FHIT: variants seen among roughly 807,000 people sequenced by gnomAD.
FHIT encodes the protein bis(5'-adenosyl)-triphosphatase.
In FHIT, 19 loss-of-function variants were observed where a neutral mutation model predicts 17.9. The observed-to-expected ratio is 1.06, with a 90% CI of 0.74 to 1.56. The LOEUF is 1.56. FHIT is among the 40% of genes most tolerant of loss of function. The probability of loss-of-function intolerance (pLI) is 0.00; values close to 1 mark genes in which losing one functional copy is unlikely to be tolerated. For missense variants in FHIT, 248 were observed against 189.2 expected (o/e 1.31, Z -1.82); for synonymous variants, 81 against 69.7 (o/e 1.16, Z -0.81).
At chr3:60,195,607 G>T (rs368129436) in intron 5 of FHIT, among the ~76,000 whole-genome samples, 4 of 117,382 alleles carry the variant, frequency 3.4e-5, no homozygotes, top group South Asian at 5.9e-4. Flanking sequence ...TTATATATAT[G>T]TATATATAAT....
intron 5 of FHIT, among the ~76,000 whole-genome samples, chr3:60,369,014 C>T (rs1257204314): frequency 1.3e-5 from 2 of 152,006 alleles, no homozygotes; most frequent in African/African-American, 4.8e-5. Flanking sequence ...ACTCTGTCAC[C>T]CAGGCTGGAG....
intron 5 of FHIT, among the ~76,000 whole-genome samples, chr3:60,276,949 A>G (rs1013023954): frequency 1.3e-5 from 2 of 152,090 alleles, no homozygotes; most frequent in Admixed American, 6.5e-5. Flanking sequence ...CTCATGTCCC[A>G]AACACCTCCC....
At chr3:59,764,996 AC>A (rs2106802399) in intron 8 of FHIT, among the ~76,000 whole-genome samples, 1 of 152,188 alleles carries the variant, frequency 6.6e-6, no homozygotes, top group South Asian at 2.1e-4. Flanking sequence ...GGAAAGCAAT[AC>A]CCTCACCTTT....
At chr3:60,446,105 G>T (rs1055386541) in intron 5 of FHIT, among the ~76,000 whole-genome samples, 3 of 152,100 alleles carry the variant, frequency 2.0e-5, no homozygotes, top group Admixed American at 2.0e-4. Context: ...AAGCAAGGGA[G>T]GGTAGGAGGG....
At chr3:59,848,449 T>C (rs1701804985) in intron 8 of FHIT, among the ~76,000 whole-genome samples, 1 of 152,180 alleles carries the variant, frequency 6.6e-6, no homozygotes, top group South Asian at 2.1e-4. Context: ...TTTAAAAAAA[T>C]CACAGACCTT....
intron 5 of FHIT, among the ~76,000 whole-genome samples, chr3:60,358,613 A>G (rs1449918609): frequency 6.6e-6 from 1 of 152,236 alleles, no homozygotes; most frequent in Non-Finnish European, 1.5e-5. Flanking sequence ...CAGAAAGAGC[A>G]TAGTGAAAGG....
At chr3:60,956,546 T>C (rs575403570) in intron 3 of FHIT, among the ~76,000 whole-genome samples, 19 of 152,334 alleles carry the variant, frequency 1.2e-4, no homozygotes, top group South Asian at 2.1e-4. Flanking sequence ...AACCAAGTAG[T>C]GCCCTGAAGA....
At chr3:60,333,963 TG>T (rs1327026509) in intron 5 of FHIT, among the ~76,000 whole-genome samples, 3 of 87,992 alleles carry the variant, frequency 3.4e-5, no homozygotes, top group Non-Finnish European at 6.7e-5. Flanking sequence ...TTCCTACACA[TG>T]GTTACATTTC....
At chr3:60,606,759 C>T (rs973513127) in intron 4 of FHIT, among the ~76,000 whole-genome samples, 5 of 152,114 alleles carry the variant, frequency 3.3e-5, no homozygotes, top group African/African-American at 1.2e-4. Flanking sequence ...GAGTGACATG[C>T]CACTCACTCA....
At position 59,747,750 on chromosome 3, in the gene FHIT, G is replaced by T. The variant is rs1443209621; in HGVS notation, c.*1835C>A. On this transcript the variant is annotated 3_prime_UTR_variant, in exon 10 of 10. Coordinates refer to ENST00000492590, the MANE Select transcript of FHIT (RefSeq NM_002012.4). ...TCAGCCCTAGGGAAGCTGACTCTTTGGTTTTCCCCCATGCACCTTGTCTTC... is the reference window on the plus strand; with the variant it reads ...TCAGCCCTAGGGAAGCTGACTCTTTTGTTTTCCCCCATGCACCTTGTCTTC... Among the ~76,000 whole-genome samples, 1 of 151,934 alleles carries T rather than the reference G, an allele frequency of 6.6e-6. No individual in the cohort carries two copies. Among genetic ancestry groups the T allele is most frequent in the Non-Finnish European group, 1.5e-5 (1 of 67,984 alleles).
chr3:60,374,785 G>C (rs1188458683), intron 5 of FHIT, among the ~76,000 whole-genome samples: 3 of 152,130 alleles, frequency 2.0e-5, no homozygotes, highest in African/African-American at 7.2e-5. Flanking sequence ...TCAACGTTGA[G>C]ACGTGATAAT....
rs186436627 is a variant in FHIT, at chr3:60,233,541, C to T, written c.104-219389G>A. On this transcript the variant is annotated intron_variant, in intron 5 of 9. Transcript: ENST00000492590. ...CCCTCCCCGCTCTCCTCCTGCCCAC[C>T]CCTCTGCACCCTTACCACTCTACCT... Among the ~76,000 whole-genome samples, 5 of 152,264 alleles carry T rather than the reference C, an allele frequency of 3.3e-5. No homozygotes were observed. The East Asian group carries it at 9.6e-4, about 29-fold the overall frequency.
At position 60,330,323 on chromosome 3, in the gene FHIT, C is replaced by A. The variant is rs998405661; in HGVS notation, c.103+206537G>T. On this transcript the variant is annotated intron_variant, in intron 5 of 9. Coordinates refer to ENST00000492590, the MANE Select transcript of FHIT (RefSeq NM_002012.4). ...AGTGGGTGGTGATGTCTCCCTAGGGCTGCTCATCATTTGCTGCTACAGTCA... is the reference window on the plus strand; with the variant it reads ...AGTGGGTGGTGATGTCTCCCTAGGGATGCTCATCATTTGCTGCTACAGTCA... Among the ~76,000 whole-genome samples the A allele has an allele frequency of 4.6e-5, 7 of 152,246 alleles. No individual in the cohort carries two copies. The South Asian group carries it at 8.3e-4, about 18-fold the overall frequency.
chr3:60,832,666 G>A (rs1472297541), intron 3 of FHIT, among the ~76,000 whole-genome samples: 3 of 150,068 alleles, frequency 2.0e-5, no homozygotes, highest in African/African-American at 7.4e-5. Flanking sequence ...TGTTGATAAT[G>A]TGCTGCTTTA....
At chr3:61,082,562 T>G (rs562986668) in intron 2 of FHIT, among the ~76,000 whole-genome samples, 1 of 152,200 alleles carries the variant, frequency 6.6e-6, no homozygotes, top group African/African-American at 2.4e-5. Flanking sequence ...TTAGCGTATA[T>G]CTAGTAGAAG....
At chr3:60,349,555 T>C (rs1332222804) in intron 5 of FHIT, among the ~76,000 whole-genome samples, 1 of 152,140 alleles carries the variant, frequency 6.6e-6, no homozygotes, top group Non-Finnish European at 1.5e-5. Context: ...TAAGCAAACA[T>C]ATTCCAAAAG....
chr3:61,025,715 A>G (rs1559919795), intron 3 of FHIT, among the ~76,000 whole-genome samples: 1 of 152,200 alleles, frequency 6.6e-6, no homozygotes, highest in African/African-American at 2.4e-5. Context: ...GTTAAGCTCA[A>G]ATTACTCAGG....
intron 5 of FHIT, among the ~76,000 whole-genome samples, chr3:60,373,211 T>C (rs1284840494): frequency 6.6e-6 from 1 of 152,068 alleles, no homozygotes; most frequent in Non-Finnish European, 1.5e-5. Flanking sequence ...TTGTGATAAA[T>C]GTCATGGGAG....
At chr3:61,059,193 G>A (rs180714013) in intron 2 of FHIT, among the ~76,000 whole-genome samples, 14 of 152,186 alleles carry the variant, frequency 9.2e-5, no homozygotes, top group African/African-American at 2.6e-4. Flanking sequence ...AGTAACTTTC[G>A]TAAATGGTAA....
Sources: allele counts gnomAD v4.1 joint callset (sites outside exome capture counted in the v4.1 genomes callset), GRCh38; gene constraint gnomAD v4.1.1; transcripts MANE v1.5; gene names NCBI Gene and HGNC (gene_info 2026-07-23, HGNC 2026-07-21).